CELF5: variants seen among roughly 807,000 people sequenced by gnomAD.
The protein encoded by CELF5 is CUG-BP and ETR-3 like factor 5.
A neutral mutation model predicts 54.9 loss-of-function variants in CELF5; 6 were observed. The observed-to-expected ratio is 0.11, with a 90% CI of 0.06 to 0.22. CELF5 has a LOEUF of 0.22. CELF5 is among the 10% of genes least tolerant of loss of function. CELF5 has a pLI of 1.00. For synonymous variants in CELF5, 271 were observed against 290.9 expected (o/e 0.93, Z 0.70); for missense variants, 401 against 678.6 (o/e 0.59, Z 4.54).
intron 2 of CELF5, among the ~76,000 whole-genome samples, chr19:3,264,426 T>A (rs1409968429): frequency 1.3e-5 from 2 of 151,890 alleles, no homozygotes; most frequent in Admixed American, 1.3e-4. Flanking sequence ...TTTCTTTTTT[T>A]TTTTTAAGAG....
At chr19:3,259,459 T>G (rs990804734) in intron 2 of CELF5, among the ~76,000 whole-genome samples, 4 of 148,584 alleles carry the variant, frequency 2.7e-5, no homozygotes, top group Admixed American at 2.7e-4. Context: ...GGAGAGATCC[T>G]GTGTTCATTA....
Position 3,237,311 on chromosome 19 carries a change from CAAAAAAAAA to C in CELF5, c.259+12330_259+12338del, listed in dbSNP as rs1182124877. ...TGAGTGACAGAGCACGACTCCGTCT[CAAAAAAAAA>C]AAAAAAAAAAAAAAAAGGAAAGTAA... On this transcript the variant is annotated intron_variant, in intron 1 of 12. Coordinates refer to ENST00000292672, the MANE Select transcript of CELF5 (RefSeq NM_021938.4). Among the ~76,000 whole-genome samples the C allele has an allele frequency of 4.5e-4, 19 of 42,246 alleles. No individual in the cohort carries two copies. The East Asian group carries it at 0.011, about 24-fold the overall frequency. The allele number at this position is 42,246 out of a possible 152,430, so 27.7% of individuals were successfully genotyped here.
rs578135997 is a variant in CELF5, at chr19:3,275,482, G to A, written c.395-374G>A. Reference sequence around the variant, plus strand: ...GACAGACAGACAGGGACCCAGGCCCGGCGAGGCAGCTCCTAGCCCTAGTAC... The same window carrying A: ...GACAGACAGACAGGGACCCAGGCCCAGCGAGGCAGCTCCTAGCCCTAGTAC... On this transcript the variant is annotated intron_variant, in intron 3 of 12. Transcript: ENST00000292672. This position sits in a 1 kb window ranked among gnomAD's most constrained non-coding sequence, Gnocchi z 6.7. 8.5e-5 allele frequency among the ~76,000 whole-genome samples: 13 copies of A among 152,366 alleles called. No homozygotes were observed. The highest frequency in any genetic ancestry group is 5.2e-4 in the Admixed American group (8 of 15,312).
chr19:3,242,324 A>G (rs1339167669), intron 1 of CELF5, among the ~76,000 whole-genome samples: 2 of 151,712 alleles, frequency 1.3e-5, no homozygotes, highest in Non-Finnish European at 2.9e-5. Flanking sequence ...ACTTGAGGTC[A>G]GGAGTTCAAG....
At chr19:3,261,642 A>C (rs2079807869) in intron 2 of CELF5, among the ~76,000 whole-genome samples, 1 of 151,744 alleles carries the variant, frequency 6.6e-6, no homozygotes, top group African/African-American at 2.4e-5. Context: ...CAACATAGAG[A>C]GATCCCATCT....
chr19:3,245,577 A>T (rs530918734), intron 1 of CELF5, among the ~76,000 whole-genome samples: 249 of 151,956 alleles, frequency 1.6e-3, no homozygotes, highest in Non-Finnish European at 2.7e-3. Flanking sequence ...AGGCAAAAAA[A>T]AAAAAAAGGA....
intron 10 of CELF5, chr19:3,286,292 G>A (rs949643900): frequency 1.2e-5 from 5 of 417,686 alleles, no homozygotes; most frequent in South Asian, 6.4e-5. Context: ...AGAACCAAGA[G>A]TGATTCTCTG....
chr19:3,238,895 C>G (rs1185913806), intron 1 of CELF5, among the ~76,000 whole-genome samples: 1 of 152,140 alleles, frequency 6.6e-6, no homozygotes, highest in Non-Finnish European at 1.5e-5. Context: ...CCATTGCACT[C>G]TAGCCTGGGC....
chr19:3,277,277 C>G (rs1375071630), intron 4 of CELF5, among the ~76,000 whole-genome samples: 2 of 151,718 alleles, frequency 1.3e-5, no homozygotes, highest in African/African-American at 4.8e-5. Flanking sequence ...AGTTCAAGAC[C>G]AGCCTGGCCA....
intron 3 of CELF5, among the ~76,000 whole-genome samples, chr19:3,274,978 C>A (rs917973331): frequency 5.3e-5 from 8 of 152,056 alleles, no homozygotes; most frequent in Non-Finnish European, 1.0e-4. Flanking sequence ...CTTATTCTCT[C>A]TGTCTCTCAC....
rs371242988 is a variant in CELF5 at position 3,281,503 on chromosome 19, G to A, written c.750+158G>A. 6.7e-4 allele frequency among the ~76,000 whole-genome samples: 102 copies of A among 152,216 alleles called. 1 individual carries two copies. The highest frequency in any genetic ancestry group is 2.3e-3 in the African/African-American group (96 of 41,534). ...TCCAAATTGAGACCAAGCTCAGACCGAGCCCCTAAATCCAGAAGACTGAGC... is the reference window on the plus strand; with the variant it reads ...TCCAAATTGAGACCAAGCTCAGACCAAGCCCCTAAATCCAGAAGACTGAGC... On this transcript the variant is annotated intron_variant, in intron 6 of 12. Transcript: ENST00000292672. This position sits in a 1 kb window ranked among gnomAD's most constrained non-coding sequence, Gnocchi z 6.5.
In CELF5 at chr19:3,258,604, T is replaced by C. The variant is rs557083281; in HGVS notation, c.342+7537T>C. 7.2e-5 allele frequency among the ~76,000 whole-genome samples: 11 copies of C among 152,138 alleles called. No homozygotes were observed. The East Asian group carries it at 1.2e-3, about 16-fold the overall frequency. On this transcript the variant is annotated intron_variant, in intron 2 of 12. Coordinates refer to ENST00000292672, the MANE Select transcript of CELF5 (RefSeq NM_021938.4). ...GCTAGGATTTGGGGATATATATATATACATATTTTTTATTTTTATTTTTTA... is the reference window on the plus strand; with the variant it reads ...GCTAGGATTTGGGGATATATATATACACATATTTTTTATTTTTATTTTTTA...
chr19:3,252,532 G>A (rs913063305), intron 2 of CELF5, among the ~76,000 whole-genome samples: 3 of 152,148 alleles, frequency 2.0e-5, no homozygotes, highest in Non-Finnish European at 2.9e-5. Context: ...CCTTCCCTCC[G>A]GAATTCTCAG....
In CELF5 at chr19:3,282,624, C is replaced by T. The variant is rs541635936; in HGVS notation, c.1039+126C>T. On this transcript the variant is annotated intron_variant, in intron 8 of 12. Coordinates refer to ENST00000292672, the MANE Select transcript of CELF5 (RefSeq NM_021938.4). The surrounding 1 kb of genome is among the most constrained non-coding windows in gnomAD (Gnocchi z 5.2). Reference sequence around the variant, plus strand: ...AGAAGGGCAGGAAAAAGGGTGTCTCCGCTGAGCAGATAAGAGCTGTGGACA... The same window carrying T: ...AGAAGGGCAGGAAAAAGGGTGTCTCTGCTGAGCAGATAAGAGCTGTGGACA... The T allele has an allele frequency of 1.9e-4, 207 of 1,092,550 alleles. 4 individuals are homozygous for T. The South Asian group carries it at 2.8e-3, about 15-fold the overall frequency. 67.7% of individuals were successfully genotyped at this position (1,092,550 alleles called of 1,614,324 possible).
Position 3,275,003 on chromosome 19 carries a change from G to GA in CELF5, c.395-853_395-852insA, listed in dbSNP as rs2080024420. Among the ~76,000 whole-genome samples the GA allele has an allele frequency of 1.3e-5, 2 of 151,550 alleles. No individual in the cohort carries two copies. The highest frequency in any genetic ancestry group is 4.9e-5 in the African/African-American group (2 of 41,166). On this transcript the variant is annotated intron_variant, in intron 3 of 12. Coordinates refer to ENST00000292672, the MANE Select transcript of CELF5 (RefSeq NM_021938.4). This position sits in a 1 kb window ranked among gnomAD's most constrained non-coding sequence, Gnocchi z 6.7. ...CTGTCTCTCACAGTCTCTTTCGCGC[G>GA]CACTCTCTCTCTGATCTGTCTCTCT...
intron 2 of CELF5, among the ~76,000 whole-genome samples, chr19:3,266,107 C>T (rs1001930634): frequency 8.5e-5 from 13 of 152,136 alleles, no homozygotes; most frequent in African/African-American, 2.7e-4. Flanking sequence ...CACGCCCGAC[C>T]CCCACTTTTA....
intron 12 of CELF5, 145 bp from the exon 13 acceptor site, chr19:3,296,613 C>T (rs1408740092): frequency 2.0e-5 from 3 of 152,226 alleles, no homozygotes; most frequent in Non-Finnish European, 4.4e-5. Context: ...TGCCAATCTG[C>T]CTCGAGGGGG....
At chr19:3,294,189 C>G (rs1195269855) in intron 12 of CELF5, 2 of 152,194 alleles carry the variant, frequency 1.3e-5, no homozygotes, top group Non-Finnish European at 2.9e-5. Flanking sequence ...ACTTTCTCAA[C>G]ATTTTTTTGT....
chr19:3,251,479 G>C lies in CELF5; in HGVS notation c.342+412G>C, dbSNP rs1015596884. Among the ~76,000 whole-genome samples, 4 of 152,024 alleles carry C rather than the reference G, an allele frequency of 2.6e-5. No homozygotes were observed. The East Asian group carries it at 7.7e-4, about 29-fold the overall frequency. On this transcript the variant is annotated intron_variant, in intron 2 of 12. Coordinates refer to ENST00000292672, the MANE Select transcript of CELF5 (RefSeq NM_021938.4). ...TGTGGCTGGAACAGAGTGAGGAGGT[G>C]GAGAAAGAAAGGCGGGAAGGGCAGG... is the stretch of plus-strand genomic sequence containing the variant.
Sources: allele counts gnomAD v4.1 joint callset (sites outside exome capture counted in the v4.1 genomes callset), GRCh38; gene constraint gnomAD v4.1.1; non-coding constraint Gnocchi (gnomAD v3.1); transcripts MANE v1.5; gene names NCBI Gene and HGNC (gene_info 2026-07-23, HGNC 2026-07-21).